PPP3CC: variants seen among roughly 807,000 people sequenced by gnomAD.
The protein encoded by PPP3CC is protein phosphatase 3 catalytic subunit gamma.
In PPP3CC, 35 loss-of-function variants were observed where a neutral mutation model predicts 60.3. The ratio of observed to expected loss-of-function variants is 0.58; its 90% CI spans 0.44 to 0.77. The LOEUF (loss-of-function observed/expected upper bound fraction) is 0.77, where lower values mean the gene tolerates loss of function less well. PPP3CC is among the 30% of genes least tolerant of loss of function. The pLI is 0.00. For missense variants in PPP3CC, 570 were observed against 628.9 expected (o/e 0.91, Z 1.00); for synonymous variants, 206 against 224.3 (o/e 0.92, Z 0.73).
chr8:22,540,560 C>G (rs1323335412), intron 13 of PPP3CC, 55 bp from the exon 14 acceptor site: 1 of 1,533,642 alleles, frequency 6.5e-7, no homozygotes, highest in East Asian at 2.3e-5. Flanking sequence ...TTTTTTAAGC[C>G]TGTTGCTTTG....
chr8:22,486,513 G>A (rs1485114486), intron 3 of PPP3CC, among the ~76,000 whole-genome samples: 12 of 152,204 alleles, frequency 7.9e-5, no homozygotes, highest in African/African-American at 2.9e-4. Flanking sequence ...CAAGGTTGAA[G>A]CTTTTGGACC....
intron 4 of PPP3CC, among the ~76,000 whole-genome samples, chr8:22,500,772 C>T (rs568845574): frequency 6.6e-6 from 1 of 152,348 alleles, no homozygotes; most frequent in East Asian, 1.9e-4. Flanking sequence ...GATACAAATC[C>T]TTCCAGCCCT....
At chr8:22,464,954 C>T (rs1398478777) in intron 1 of PPP3CC, among the ~76,000 whole-genome samples, 2 of 150,600 alleles carry the variant, frequency 1.3e-5, no homozygotes, top group Admixed American at 6.6e-5. Flanking sequence ...TCAGATTCTA[C>T]GGGAGAGACA....
intron 4 of PPP3CC, among the ~76,000 whole-genome samples, chr8:22,506,713 G>C (rs763332487): frequency 6.6e-6 from 1 of 151,772 alleles, no homozygotes; most frequent in African/African-American, 2.4e-5. Flanking sequence ...AGGCCGAGGC[G>C]GGCAGATCAC....
At chr8:22,535,242 A>T (rs1839817691) in intron 12 of PPP3CC, among the ~76,000 whole-genome samples, 2 of 152,166 alleles carry the variant, frequency 1.3e-5, no homozygotes, top group African/African-American at 4.8e-5. Flanking sequence ...CAATTCTGAA[A>T]TTTACCCAGG....
chr8:22,505,173 C>T (rs755865331), intron 4 of PPP3CC, among the ~76,000 whole-genome samples: 106 of 151,920 alleles, frequency 7.0e-4, no homozygotes, highest in African/African-American at 2.3e-3. Flanking sequence ...ATTACAGGCA[C>T]GCACCACCAC....
chr8:22,456,880 G>C (rs995296506), intron 1 of PPP3CC, among the ~76,000 whole-genome samples: 2 of 152,106 alleles, frequency 1.3e-5, no homozygotes, highest in African/African-American at 4.8e-5. Context: ...ATGAAATACA[G>C]GTAATCTGAA....
intron 1 of PPP3CC, among the ~76,000 whole-genome samples, chr8:22,441,685 G>C (rs1024073139): frequency 3.3e-5 from 5 of 152,220 alleles, no homozygotes; most frequent in Non-Finnish European, 5.9e-5. Flanking sequence ...CCCTCCCGAA[G>C]GGTTCAGGGT....
chr8:22,443,319 C>T (rs1160301005), intron 1 of PPP3CC, among the ~76,000 whole-genome samples: 1 of 152,014 alleles, frequency 6.6e-6, no homozygotes, highest in Non-Finnish European at 1.5e-5. Flanking sequence ...GTCAGGAGTT[C>T]GAAACCAGCC....
At chr8:22,528,756 CCAT>C (rs1839628327) in intron 10 of PPP3CC, among the ~76,000 whole-genome samples, 179 bp downstream of exon 10, 1 of 152,010 alleles carries the variant, frequency 6.6e-6, no homozygotes, top group Non-Finnish European at 1.5e-5. Context: ...ACCCATAATC[CCAT>C]CATCTTATAG....
At chr8:22,452,424 G>C (rs555138330) in intron 1 of PPP3CC, among the ~76,000 whole-genome samples, 1 of 152,196 alleles carries the variant, frequency 6.6e-6, no homozygotes, top group African/African-American at 2.4e-5. Context: ...TTTCTTCTCT[G>C]CTAAGAAGCT....
chr8:22,477,512 TAGAA>T (rs2132471766), intron 3 of PPP3CC, among the ~76,000 whole-genome samples: 1 of 152,078 alleles, frequency 6.6e-6, no homozygotes, highest in South Asian at 2.1e-4. Context: ...GTATGGATGT[TAGAA>T]AGACACATTG....
chr8:22,532,984 C>G lies in PPP3CC; in HGVS notation c.1287C>G (p.Gly429=), dbSNP rs755886170. 9 of 1,605,960 alleles carry G rather than the reference C, an allele frequency of 5.6e-6. No homozygotes were observed. In the East Asian group the frequency reaches 1.4e-4, roughly 24 times the overall value. Residue 429 remains glycine (G), a synonymous_variant, in exon 12 of 14, where the codon GGC becomes GGG. Coordinates refer to ENST00000240139, the MANE Select transcript of PPP3CC (RefSeq NM_005605.5). ...CTCCCACAGGCACACTCCCTCTGGG[C>G]GTCCTCTCAGGAGGCAAGCAGACTA... is the stretch of plus-strand genomic sequence containing the variant. The part of the protein sequence containing the change: ...GLTPTGTLPL[G]VLSGGKQTIE...
chr8:22,525,505 T>TC (rs969783605), intron 8 of PPP3CC, among the ~76,000 whole-genome samples: 10 of 94,294 alleles, frequency 1.1e-4, no homozygotes, highest in African/African-American at 4.7e-4. Flanking sequence ...TTTCTTTCTT[T>TC]CTTTCTTTCT....
intron 5 of PPP3CC, among the ~76,000 whole-genome samples, chr8:22,511,676 C>G (rs541478332): frequency 6.6e-6 from 1 of 152,298 alleles, no homozygotes; most frequent in Non-Finnish European, 1.5e-5. Flanking sequence ...GATTTCATCA[C>G]TATAACTACT....
Position 22,494,607 on chromosome 8 carries a change from T to C in PPP3CC, c.373-3394T>C, listed in dbSNP as rs79130047. Among the ~76,000 whole-genome samples, 540 of 152,334 alleles carry C rather than the reference T, an allele frequency of 3.5e-3. 6 individuals are homozygous for C. The highest frequency in any genetic ancestry group is 0.021 in the Admixed American group (321 of 15,296). On this transcript the variant is annotated intron_variant, in intron 3 of 13. Coordinates refer to ENST00000240139, the MANE Select transcript of PPP3CC (RefSeq NM_005605.5). ...TGTGGATATGCCTATGTCTCCTTGC[T>C]AAAATTGATTTGTAAACTCAAAATC...
At chr8:22,488,659 T>G (rs1470166770) in intron 3 of PPP3CC, among the ~76,000 whole-genome samples, 1 of 152,230 alleles carries the variant, frequency 6.6e-6, no homozygotes, top group African/African-American at 2.4e-5. Context: ...CAGCATCATG[T>G]ATTTGTTTAC....
At chr8:22,444,898 GT>G (rs1836778490) in intron 1 of PPP3CC, among the ~76,000 whole-genome samples, 1 of 151,964 alleles carries the variant, frequency 6.6e-6, no homozygotes, top group Non-Finnish European at 1.5e-5. Context: ...TTAAGGACAT[GT>G]TTTTTCTTTG....
chr8:22,474,054 C>T (rs542255005), intron 1 of PPP3CC, among the ~76,000 whole-genome samples: 1 of 152,038 alleles, frequency 6.6e-6, no homozygotes, highest in Admixed American at 6.5e-5. Context: ...GTCACTACAC[C>T]TGGCTAATTT....
Sources: gnomAD v4.1 joint callset for allele counts (sites outside exome capture counted in the v4.1 genomes callset) on GRCh38, gnomAD v4.1.1 for gene constraint, MANE v1.5 for transcripts, NCBI Gene and HGNC (gene_info 2026-07-23, HGNC 2026-07-21) for gene names.